The following PKP4 variants were observed in gnomAD, a reference collection of about 807,000 sequenced individuals.
PKP4 encodes the protein plakophilin 4.
Under a neutral mutation model 145.1 loss-of-function variants are expected in PKP4, and 90 were observed. That is an observed-to-expected ratio of 0.62 (90% CI 0.52 to 0.74). PKP4 has a LOEUF of 0.74. Ranked by LOEUF, PKP4 falls within the 30% of genes least tolerant of loss-of-function variation. The pLI is 0.00. For missense variants in PKP4, 1,340 were observed against 1,482.7 expected, an observed-to-expected ratio of 0.90 and a Z score of 1.58; for synonymous variants, 563 against 577.2, an observed-to-expected ratio of 0.98 and a Z score of 0.35.
intron 3 of PKP4, among the ~76,000 whole-genome samples, chr2:158,586,475 G>C (rs1303331277): frequency 6.6e-6 from 1 of 152,074 alleles, no homozygotes; most frequent in African/African-American, 2.4e-5. Flanking sequence ...CTCTCTTAAT[G>C]GTCAAATATT....
chr2:158,550,238 C>T (rs547558861), intron 2 of PKP4, among the ~76,000 whole-genome samples: 2 of 113,740 alleles, frequency 1.8e-5, no homozygotes, highest in East Asian at 4.3e-4. Flanking sequence ...GAATCTATAG[C>T]AGTATTTTGC....
chr2:158,675,480 C>A (rs1290490059), intron 19 of PKP4, among the ~76,000 whole-genome samples: 6 of 152,124 alleles, frequency 3.9e-5, no homozygotes, highest in Non-Finnish European at 1.5e-5. Flanking sequence ...TTTTCAGGAC[C>A]CCTTAAATAT....
At chr2:158,678,920 G>A (rs948247235) in intron 21 of PKP4, 42 of 504,294 alleles carry the variant, frequency 8.3e-5, no homozygotes, top group Non-Finnish European at 1.4e-4. Context: ...CATGTCTTTT[G>A]CCCAGCAGTG....
chr2:158,498,410 A>G (rs945892561), intron 1 of PKP4, among the ~76,000 whole-genome samples: 4 of 152,232 alleles, frequency 2.6e-5, no homozygotes, highest in African/African-American at 9.6e-5. Flanking sequence ...CTCATGATGG[A>G]TTCTGTACTT....
rs557890051 is a variant in PKP4, at chr2:158,587,903, T to C, written c.245+10520T>C. On this transcript the variant is annotated intron_variant, in intron 3 of 21. Coordinates refer to ENST00000389759, the MANE Select transcript of PKP4 (RefSeq NM_003628.6). The stretch of plus-strand genomic sequence containing the variant: ...TTATATACATATATATTAACACCTG[T>C]GTAACCAATATTTTGTGTTGCTTTT... Among the ~76,000 whole-genome samples, 4 of 151,856 alleles carry C rather than the reference T, an allele frequency of 2.6e-5. No individual in the cohort carries two copies. The South Asian group carries it at 8.3e-4, about 32-fold the overall frequency.
intron 3 of PKP4, among the ~76,000 whole-genome samples, chr2:158,590,312 AGTGTGTGTGTGTGTGT>A (rs57003090): frequency 0.012 from 1,546 of 124,230 alleles, 23 homozygotes; most frequent in African/African-American, 0.027. Context: ...GAATGTCTTG[AGTGTGTGTGTGTGTGT>A]GTGTGTGTGT....
rs1042565157 is a variant in PKP4, at chr2:158,561,051, A to T, written c.133-16220A>T. 1.2e-4 allele frequency among the ~76,000 whole-genome samples: 18 copies of T among 152,358 alleles called. 1 individual carries two copies. In the South Asian group the frequency reaches 3.7e-3, roughly 32 times the overall value. On this transcript the variant is annotated intron_variant, in intron 2 of 21. Transcript: ENST00000389759. The stretch of plus-strand genomic sequence containing the variant: ...CCTGCAAGCTAAGAATGTTTTATAC[A>T]ATTTTTAATGGTTAAAAAATAATCA...
At chr2:158,568,981 A>T (rs1427638583) in intron 2 of PKP4, among the ~76,000 whole-genome samples, 1 of 152,148 alleles carries the variant, frequency 6.6e-6, no homozygotes, top group Non-Finnish European at 1.5e-5. Flanking sequence ...TCCAAAAAAA[A>T]GCCATCCGTG....
chr2:158,582,330 G>T (rs1311623242), intron 3 of PKP4, among the ~76,000 whole-genome samples: 2 of 152,094 alleles, frequency 1.3e-5, no homozygotes, highest in Non-Finnish European at 1.5e-5. Flanking sequence ...TTCTGAATAT[G>T]CTATAGTTAC....
intron 19 of PKP4, among the ~76,000 whole-genome samples, chr2:158,674,971 G>A (rs780167664): frequency 1.1e-4 from 17 of 152,148 alleles, no homozygotes; most frequent in Middle Eastern, 3.2e-3. Context: ...TTAATTGTCT[G>A]TGCTTGTTGT....
intron 1 of PKP4, among the ~76,000 whole-genome samples, chr2:158,498,623 T>A (rs552324549): frequency 1.3e-5 from 2 of 152,310 alleles, no homozygotes; most frequent in Non-Finnish European, 2.9e-5. Context: ...CTTATAGCCA[T>A]CTTCCCCAGG....
chr2:158,634,175 G>A lies in PKP4; in HGVS notation c.1448G>A (p.Arg483Lys). The A allele has an allele frequency of 6.2e-7, 1 of 1,613,948 alleles. No homozygotes were observed. The highest frequency in any genetic ancestry group is 8.5e-7 in the Non-Finnish European group (1 of 1,179,924). Residue 483 changes from arginine (R) to lysine (K), a missense_variant, in exon 9 of 22, where the codon AGG becomes AAG. Coordinates refer to ENST00000389759, the MANE Select transcript of PKP4 (RefSeq NM_003628.6). ...NTTATYAEPY[R>K]PIQYRVQECN... is the part of the protein sequence containing the mutation. ...ACAGCTACCTACGCGGAGCCCTACA[G>A]GCCTATACAATACCGAGTGCAAGAG...
intron 3 of PKP4, among the ~76,000 whole-genome samples, chr2:158,596,776 A>G (rs1446473692): frequency 6.6e-6 from 1 of 152,208 alleles, no homozygotes. Context: ...GAAATGTCAG[A>G]TTTCTTACAC....
chr2:158,545,189 G>C (rs2044892612), intron 2 of PKP4, among the ~76,000 whole-genome samples: 1 of 148,742 alleles, frequency 6.7e-6, no homozygotes. Context: ...CCCTTTGGGG[G>C]CTCAGCTTCC....
chr2:158,569,805 A>G (rs1204968518), intron 2 of PKP4, among the ~76,000 whole-genome samples: 1 of 152,176 alleles, frequency 6.6e-6, no homozygotes, highest in East Asian at 1.9e-4. Flanking sequence ...TCCTACTGGT[A>G]GACTTCTCAG....
intron 2 of PKP4, among the ~76,000 whole-genome samples, chr2:158,537,600 A>G (rs757870835): frequency 1.3e-5 from 2 of 152,240 alleles, no homozygotes; most frequent in Non-Finnish European, 2.9e-5. Context: ...TGTTCAGCTC[A>G]ACTCCTAATA....
chr2:158,680,985 CAAATT>C lies in PKP4; in HGVS notation c.*312_*316del, dbSNP rs933846640. ...GAAATGGGGGATATGTAGGTCAAATCAAATTAAAGATGATTTTTTTAATGTGAATA... is the reference window on the plus strand; with the variant it reads ...GAAATGGGGGATATGTAGGTCAAATCAAAGATGATTTTTTTAATGTGAATA... On this transcript the variant is annotated 3_prime_UTR_variant, in exon 22 of 22. Transcript: ENST00000389759. 8 of 254,124 alleles carry C rather than the reference CAAATT, an allele frequency of 3.1e-5. No individual in the cohort carries two copies. Among genetic ancestry groups the C allele is most frequent in the African/African-American group, 8.9e-5 (4 of 44,894 alleles). 15.7% of individuals were successfully genotyped at this position (254,124 alleles called of 1,614,324 possible).
chr2:158,528,685 AAG>A (rs1397175543), intron 1 of PKP4, among the ~76,000 whole-genome samples: 1 of 148,130 alleles, frequency 6.8e-6, no homozygotes, highest in African/African-American at 2.5e-5. Flanking sequence ...AAAAAAAAAA[AAG>A]AGACCTGGGC....
At chr2:158,526,370 C>G (rs1470170592) in intron 1 of PKP4, among the ~76,000 whole-genome samples, 44 of 106,170 alleles carry the variant, frequency 4.1e-4, no homozygotes, top group Non-Finnish European at 1.9e-5. Flanking sequence ...ATAAACAGAG[C>G]CAAAGACAAA....
Sources: allele counts gnomAD v4.1 joint callset (sites outside exome capture counted in the v4.1 genomes callset), GRCh38; gene constraint gnomAD v4.1.1; transcripts MANE v1.5; gene names NCBI Gene and HGNC (gene_info 2026-07-23, HGNC 2026-07-21).